Variants in NEGR1 observed in about 807,000 individuals in gnomAD.
NEGR1 encodes the protein neuronal growth regulator 1.
A neutral mutation model predicts 40.9 loss-of-function variants in NEGR1; 10 were observed. The observed-to-expected ratio is 0.24, with a 90% CI of 0.15 to 0.42. NEGR1 has a LOEUF of 0.42. Ranked by LOEUF, NEGR1 falls within the 10% of genes least tolerant of loss-of-function variation. The probability of loss-of-function intolerance (pLI) is 1.00; values close to 1 mark genes in which losing one functional copy is unlikely to be tolerated. For synonymous variants in NEGR1, 185 were observed against 166.8 expected (o/e 1.11, Z -0.84); for missense variants, 352 against 438.9 (o/e 0.80, Z 1.77).
intron 6 of NEGR1, among the ~76,000 whole-genome samples, chr1:71,537,723 C>T (rs1184758964): frequency 6.6e-6 from 1 of 151,698 alleles, no homozygotes; most frequent in African/African-American, 2.4e-5. Context: ...CTTGTAAACC[C>T]TTATTCTGTT....
At position 71,398,541 on chromosome 1, in the gene NEGR1, C is replaced by T. The variant is rs965402729; in HGVS notation, c.*8905G>A. The stretch of plus-strand genomic sequence containing the variant: ...TATGCTTACCCAATGCCTGTACTTC[C>T]ATTGCATCTAGGAAGTAACTAACTT... On this transcript the variant is annotated 3_prime_UTR_variant, in exon 7 of 7. Coordinates refer to ENST00000357731, the MANE Select transcript of NEGR1 (RefSeq NM_173808.3). 10 of 152,264 alleles carry T rather than the reference C, an allele frequency of 6.6e-5. No individual in the cohort carries two copies. The highest frequency in any genetic ancestry group is 2.4e-4 in the African/African-American group (10 of 41,470). 9.4% of individuals were successfully genotyped at this position (152,264 alleles called of 1,614,324 possible).
chr1:72,192,851 T>C (rs1478331009), intron 1 of NEGR1, among the ~76,000 whole-genome samples: 1 of 151,888 alleles, frequency 6.6e-6, no homozygotes, highest in Non-Finnish European at 1.5e-5. Context: ...GATCCTGCTT[T>C]TTACAGTTTC....
At chr1:71,415,303 C>T (rs2101268701) in intron 6 of NEGR1, among the ~76,000 whole-genome samples, 1 of 152,108 alleles carries the variant, frequency 6.6e-6, no homozygotes, top group Non-Finnish European at 1.5e-5. Context: ...CTTTCTTGCT[C>T]TTTTTGACTA....
At chr1:72,025,425 T>C (rs1273103928) in intron 1 of NEGR1, among the ~76,000 whole-genome samples, 1 of 152,186 alleles carries the variant, frequency 6.6e-6, no homozygotes, top group African/African-American at 2.4e-5. Context: ...ACTAATCTCT[T>C]ATAGTCTAAA....
intron 2 of NEGR1, among the ~76,000 whole-genome samples, chr1:71,887,353 G>A (rs746208023): frequency 1.3e-5 from 2 of 152,152 alleles, no homozygotes; most frequent in African/African-American, 4.8e-5. Context: ...AGGGTCAACT[G>A]TATTGACATA....
At chr1:71,984,383 C>A (rs535555049) in intron 1 of NEGR1, among the ~76,000 whole-genome samples, 1 of 152,214 alleles carries the variant, frequency 6.6e-6, no homozygotes, top group African/African-American at 2.4e-5. Flanking sequence ...CCTCGGCCCC[C>A]CAAAGTGCTG....
intron 2 of NEGR1, among the ~76,000 whole-genome samples, chr1:71,897,174 T>C (rs908324901): frequency 6.6e-6 from 1 of 151,942 alleles, no homozygotes; most frequent in Non-Finnish European, 1.5e-5. Flanking sequence ...TATATATATA[T>C]ACTATAACTC....
intron 2 of NEGR1, among the ~76,000 whole-genome samples, chr1:71,914,545 T>C (rs560410940): frequency 6.6e-6 from 1 of 152,304 alleles, no homozygotes; most frequent in African/African-American, 2.4e-5. Context: ...CATTTGCTGT[T>C]GTCACTCCCA....
intron 1 of NEGR1, among the ~76,000 whole-genome samples, chr1:72,078,375 A>T (rs1647840604): frequency 6.6e-6 from 1 of 152,086 alleles, no homozygotes; most frequent in Non-Finnish European, 1.5e-5. Context: ...GAGCTAAAAA[A>T]TTTCATTAAA....
intron 4 of NEGR1, among the ~76,000 whole-genome samples, chr1:71,628,762 G>T (rs1324804005): frequency 6.6e-6 from 1 of 151,646 alleles, no homozygotes; most frequent in East Asian, 2.0e-4. Flanking sequence ...TTTTATGGCT[G>T]AGTAGTATTC....
chr1:71,470,376 G>T (rs1646774387), intron 6 of NEGR1, among the ~76,000 whole-genome samples: 1 of 152,108 alleles, frequency 6.6e-6, no homozygotes, highest in African/African-American at 2.4e-5. Context: ...GATGTTTTAT[G>T]TGAATGACAT....
intron 4 of NEGR1, among the ~76,000 whole-genome samples, chr1:71,620,075 A>G (rs577345047): frequency 2.4e-4 from 36 of 152,150 alleles, no homozygotes; most frequent in Admixed American, 2.2e-3. Context: ...TGGCAAAAGA[A>G]TTTGAACACC....
At chr1:71,595,017 C>T (rs2101524211) in intron 5 of NEGR1, among the ~76,000 whole-genome samples, 1 of 152,342 alleles carries the variant, frequency 6.6e-6, no homozygotes, top group Middle Eastern at 3.4e-3. Flanking sequence ...AATTCAGACA[C>T]TCCATGGCAC....
At chr1:71,548,959 G>A (rs760432885) in intron 6 of NEGR1, among the ~76,000 whole-genome samples, 1 of 151,726 alleles carries the variant, frequency 6.6e-6, no homozygotes, top group Non-Finnish European at 1.5e-5. Flanking sequence ...TTTCATATGA[G>A]TCTGTGTGGA....
At chr1:71,704,760 C>T (rs2101635908) in intron 3 of NEGR1, among the ~76,000 whole-genome samples, 2 of 151,826 alleles carry the variant, frequency 1.3e-5, no homozygotes, top group East Asian at 3.9e-4. Flanking sequence ...TGGGTTAATG[C>T]TCCAATTCAT....
intron 1 of NEGR1, among the ~76,000 whole-genome samples, chr1:72,223,076 T>C (rs1007251762): frequency 1.3e-5 from 2 of 152,206 alleles, no homozygotes; most frequent in East Asian, 3.9e-4. Flanking sequence ...TTAATTAATG[T>C]ATATTTAAAG....
At chr1:71,441,015 CTG>C (rs1341800413) in intron 6 of NEGR1, among the ~76,000 whole-genome samples, 2 of 152,162 alleles carry the variant, frequency 1.3e-5, no homozygotes, top group Non-Finnish European at 2.9e-5. Flanking sequence ...GGTGCTCACA[CTG>C]TGCAGAAATG....
At chr1:72,105,369 C>A (rs1172400333) in intron 1 of NEGR1, among the ~76,000 whole-genome samples, 1 of 151,822 alleles carries the variant, frequency 6.6e-6, no homozygotes, top group East Asian at 1.9e-4. Flanking sequence ...AATGAGAAAA[C>A]CTTGTCAAAA....
intron 1 of NEGR1, among the ~76,000 whole-genome samples, chr1:72,144,259 T>C (rs915557500): frequency 1.1e-4 from 17 of 151,572 alleles, no homozygotes; most frequent in African/African-American, 3.9e-4. Context: ...TCTAAACAGA[T>C]AGTTATTGAT....
Sources: allele counts gnomAD v4.1 joint callset (sites outside exome capture counted in the v4.1 genomes callset), GRCh38; gene constraint gnomAD v4.1.1; transcripts MANE v1.5; gene names NCBI Gene and HGNC (gene_info 2026-07-23, HGNC 2026-07-21).